Variants in DEUP1 observed in about 807,000 individuals in gnomAD.
DEUP1 encodes the protein deuterosome assembly protein 1.
In DEUP1, 82 loss-of-function variants were observed where a neutral mutation model predicts 87.4. That is an observed-to-expected ratio of 0.94 (90% CI 0.78 to 1.13). The LOEUF is 1.13. Ranked by LOEUF, DEUP1 falls within the 50% of genes most tolerant of loss-of-function variation. The pLI, the probability that DEUP1 is intolerant of heterozygous loss-of-function variation, is 0.00. For missense variants in DEUP1, 663 were observed against 681.5 expected (o/e 0.97, Z 0.30); for synonymous variants, 214 against 222.7 (o/e 0.96, Z 0.35).
At chr11:93,418,987 A>T (rs1242601406) in intron 13 of DEUP1, among the ~76,000 whole-genome samples, 1 of 149,198 alleles carries the variant, frequency 6.7e-6, no homozygotes, top group East Asian at 2.0e-4. Flanking sequence ...AACAATGAGA[A>T]CACATGGACA....
At chr11:93,394,846 C>G (rs1225373446) in intron 10 of DEUP1, among the ~76,000 whole-genome samples, 190 bp downstream of exon 10, 2 of 152,116 alleles carry the variant, frequency 1.3e-5, no homozygotes, top group Non-Finnish European at 2.9e-5. Context: ...ACAAAAAGGA[C>G]TAGGGAAATG....
At chr11:93,385,700 T>C (rs1946511482) in intron 8 of DEUP1, among the ~76,000 whole-genome samples, 157 bp downstream of exon 8, 1 of 152,130 alleles carries the variant, frequency 6.6e-6, no homozygotes, top group African/African-American at 2.4e-5. Flanking sequence ...AAATTTATGG[T>C]TATTTCATTT....
In DEUP1 at chr11:93,408,431, TG is replaced by T; in HGVS notation, c.1523+5del. The T allele has an allele frequency of 2.0e-6, 3 of 1,514,040 alleles. No homozygotes were observed. Among genetic ancestry groups the T allele is most frequent in the Non-Finnish European group, 2.7e-6 (3 of 1,123,236 alleles). 93.8% of individuals were successfully genotyped at this position (1,514,040 alleles called of 1,614,324 possible). A position where few individuals can be genotyped will look rare whatever the true frequency, so the allele number is the denominator to read the frequency against. ...AAGTGGAACAAAATGAAGAGAGGTA[TG>T]CTGGCTCCATTATATAAGGGCATAA... is the stretch of plus-strand genomic sequence containing the variant. On this transcript the variant is annotated splice_donor_5th_base_variant and intron_variant, in intron 12 of 13. Coordinates refer to ENST00000298050, the MANE Select transcript of DEUP1 (RefSeq NM_181645.4).
intron 10 of DEUP1, among the ~76,000 whole-genome samples, chr11:93,395,280 CCTACT>C (rs2134367500): frequency 6.6e-6 from 1 of 152,212 alleles, no homozygotes; most frequent in South Asian, 2.1e-4. Context: ...AAATGGATGG[CCTACT>C]ATTGAGAGCA....
intron 2 of DEUP1, among the ~76,000 whole-genome samples, chr11:93,337,045 A>G (rs1180653341): frequency 6.6e-6 from 1 of 152,204 alleles, no homozygotes; most frequent in Non-Finnish European, 1.5e-5. Context: ...TCTCATTCAT[A>G]GAATCTTGTC....
chr11:93,332,341 A>G, intron 2 of DEUP1, 53 bp downstream of exon 2: 8 of 1,457,230 alleles, frequency 5.5e-6, no homozygotes, highest in Non-Finnish European at 6.6e-6. Flanking sequence ...TGTGCCAAAA[A>G]CTTCCTGAGA....
chr11:93,359,802 A>G (rs1945077289), intron 4 of DEUP1, among the ~76,000 whole-genome samples: 1 of 152,222 alleles, frequency 6.6e-6, no homozygotes, highest in African/African-American at 2.4e-5. Context: ...ACTGCCACCT[A>G]CAAAGGCTTA....
chr11:93,367,956 C>G (rs1004357306), intron 5 of DEUP1, among the ~76,000 whole-genome samples: 2 of 152,332 alleles, frequency 1.3e-5, no homozygotes, highest in African/African-American at 2.4e-5. Context: ...AGAGCCCTTA[C>G]CCTCAAGTTG....
At chr11:93,427,788 A>C (rs890369133) in intron 13 of DEUP1, among the ~76,000 whole-genome samples, 1 of 133,218 alleles carries the variant, frequency 7.5e-6, no homozygotes. Flanking sequence ...AGAAAAAAAC[A>C]AACAACCCCA....
At chr11:93,373,625 G>GTGTGTATATATATA (rs796309948) in intron 7 of DEUP1, among the ~76,000 whole-genome samples, 171 of 66,990 alleles carry the variant, frequency 2.6e-3, no homozygotes, top group African/African-American at 6.7e-3. Flanking sequence ...ATATATATAC[G>GTGTGTATATATATA]TATATATATA....
chr11:93,363,934 T>C (rs1308877095), intron 4 of DEUP1, among the ~76,000 whole-genome samples: 1 of 152,004 alleles, frequency 6.6e-6, no homozygotes, highest in Non-Finnish European at 1.5e-5. Flanking sequence ...ATTGTTTAAC[T>C]GTGCAGTTAA....
At chr11:93,371,948 A>C (rs1316625524) in intron 7 of DEUP1, among the ~76,000 whole-genome samples, 2 of 125,974 alleles carry the variant, frequency 1.6e-5, no homozygotes, top group Non-Finnish European at 3.3e-5. Flanking sequence ...TTTTTTTTTG[A>C]GACGGAGTCT....
chr11:93,354,626 A>T (rs557183735), intron 2 of DEUP1, among the ~76,000 whole-genome samples: 4 of 152,176 alleles, frequency 2.6e-5, no homozygotes, highest in African/African-American at 9.7e-5. Flanking sequence ...GGGGGGAGCC[A>T]AAAAGCACTT....
Position 93,411,467 on chromosome 11 carries a change from C to T in DEUP1, c.1523+3040C>T, listed in dbSNP as rs78959332. On this transcript the variant is annotated intron_variant, in intron 12 of 13. Transcript: ENST00000298050. ...ACCTTTTATTCACTCTGAAGCAACT[C>T]GGTTTTGTTGTTTTTAATGCTCACT... is the stretch of plus-strand genomic sequence containing the variant. Among the ~76,000 whole-genome samples, 1,193 of 152,172 alleles carry T rather than the reference C, an allele frequency of 7.8e-3. 15 individuals carry two copies. The highest frequency in any genetic ancestry group is 0.028 in the African/African-American group (1,147 of 41,474).
At chr11:93,415,249 T>G (rs1227915188) in intron 13 of DEUP1, 135 bp downstream of exon 13, 45 of 501,822 alleles carry the variant, frequency 9.0e-5, no homozygotes, top group South Asian at 8.0e-4. Context: ...CCAAGATGGG[T>G]CTGCGAGCCA....
At chr11:93,330,834 G>C (rs1356094875) in intron 1 of DEUP1, 62 bp downstream of exon 1, 2 of 152,516 alleles carry the variant, frequency 1.3e-5, no homozygotes, top group Non-Finnish European at 2.9e-5. Flanking sequence ...AGGCCAGGCT[G>C]CGCGGGTCCT....
chr11:93,389,799 G>T (rs1226574307), intron 9 of DEUP1, among the ~76,000 whole-genome samples: 1 of 152,178 alleles, frequency 6.6e-6, no homozygotes, highest in Non-Finnish European at 1.5e-5. Flanking sequence ...ATGAGATAAT[G>T]CACTTAAAGT....
At chr11:93,413,703 A>C (rs1181536917) in intron 12 of DEUP1, among the ~76,000 whole-genome samples, 1 of 152,186 alleles carries the variant, frequency 6.6e-6, no homozygotes, top group Non-Finnish European at 1.5e-5. Flanking sequence ...CAAAATTCAA[A>C]ATCTCAATGT....
chr11:93,412,935 T>C (rs1947482932), intron 12 of DEUP1, among the ~76,000 whole-genome samples: 1 of 152,150 alleles, frequency 6.6e-6, no homozygotes, highest in African/African-American at 2.4e-5. Context: ...CATCTCAAGA[T>C]AAGCAAAAAT....
Sources: allele counts gnomAD v4.1 joint callset (sites outside exome capture counted in the v4.1 genomes callset), GRCh38; gene constraint gnomAD v4.1.1; transcripts MANE v1.5; gene names NCBI Gene and HGNC (gene_info 2026-07-23, HGNC 2026-07-21).